The following XPR1 variants were observed in gnomAD, a reference collection of about 807,000 sequenced individuals.
XPR1 encodes the protein xenotropic and polytropic retrovirus receptor 1, also known as solute carrier family 53 member 1.
A neutral mutation model predicts 87.5 loss-of-function variants in XPR1; 28 were observed. That is an observed-to-expected ratio of 0.32 (90% CI 0.24 to 0.44). The LOEUF (loss-of-function observed/expected upper bound fraction) is 0.44. Ranked by LOEUF, XPR1 falls within the 20% of genes least tolerant of loss-of-function variation. XPR1 has a pLI of 1.00. For synonymous variants in XPR1, 300 were observed against 306.1 expected (o/e 0.98, Z 0.21); for missense variants, 559 against 862.3 (o/e 0.65, Z 4.41).
chr1:180,770,595 A>C (rs866536430), intron 2 of XPR1, among the ~76,000 whole-genome samples: 2 of 152,128 alleles, frequency 1.3e-5, no homozygotes, highest in Non-Finnish European at 2.9e-5. Flanking sequence ...ATTTTATCCA[A>C]CATTTTTAGA....
intron 11 of XPR1, among the ~76,000 whole-genome samples, chr1:180,850,427 C>T (rs189681393): frequency 9.6e-4 from 146 of 152,232 alleles, no homozygotes; most frequent in African/African-American, 3.3e-3. Context: ...TGTTATTTCT[C>T]ACATTTCTAG....
chr1:180,656,595 T>TATTATATATAATA (rs1338520966), intron 1 of XPR1, among the ~76,000 whole-genome samples: 4 of 74,840 alleles, frequency 5.3e-5, no homozygotes, highest in African/African-American at 9.3e-5. Flanking sequence ...ATAATATATA[T>TATTATATATAATA]TTTATATATG....
chr1:180,699,610 A>G (rs1468741446), intron 2 of XPR1, among the ~76,000 whole-genome samples: 2 of 104,684 alleles, frequency 1.9e-5, no homozygotes, highest in Admixed American at 1.0e-4. Flanking sequence ...AATCCAGTCT[A>G]TCATTGTTGG....
chr1:180,658,490 A>G (rs1218019779), intron 1 of XPR1, among the ~76,000 whole-genome samples: 1 of 151,870 alleles, frequency 6.6e-6, no homozygotes, highest in Non-Finnish European at 1.5e-5. Flanking sequence ...GAGGGTTTTT[A>G]TTATGAGAGG....
chr1:180,782,543 G>C (rs939360404), intron 2 of XPR1, among the ~76,000 whole-genome samples: 4 of 152,100 alleles, frequency 2.6e-5, no homozygotes, highest in Non-Finnish European at 5.9e-5. Flanking sequence ...GAGAAAGAGA[G>C]AGAACATACG....
chr1:180,682,498 G>T, intron 2 of XPR1, 87 bp downstream of exon 2: 1 of 936,740 alleles, frequency 1.1e-6, no homozygotes, highest in South Asian at 2.4e-5. Context: ...AAACTAATAT[G>T]ATAACCTGTC....
At chr1:180,683,947 G>A (rs1384828111) in intron 2 of XPR1, among the ~76,000 whole-genome samples, 5 of 152,150 alleles carry the variant, frequency 3.3e-5, no homozygotes, top group Admixed American at 6.5e-5. Flanking sequence ...CTTTTGCTGT[G>A]CAGAAGCTCT....
intron 11 of XPR1, among the ~76,000 whole-genome samples, chr1:180,860,390 T>C (rs929579178): frequency 4.6e-5 from 7 of 152,094 alleles, no homozygotes; most frequent in Non-Finnish European, 1.5e-5. Context: ...TTACATAAAG[T>C]CTTGTGTATG....
intron 2 of XPR1, among the ~76,000 whole-genome samples, chr1:180,761,777 A>G (rs1484203113): frequency 6.6e-6 from 1 of 152,144 alleles, no homozygotes; most frequent in East Asian, 1.9e-4. Context: ...CTGGGTATAT[A>G]CCCAAAGGAT....
At chr1:180,679,920 C>T (rs541353312) in intron 1 of XPR1, among the ~76,000 whole-genome samples, 2 of 151,894 alleles carry the variant, frequency 1.3e-5, no homozygotes, top group Non-Finnish European at 1.5e-5. Context: ...AGCTTCTGGA[C>T]AGCAAAGGAA....
intron 13 of XPR1, 144 bp from the exon 14 acceptor site, chr1:180,879,932 A>C: frequency 1.2e-6 from 1 of 839,904 alleles, no homozygotes; most frequent in Non-Finnish European, 1.9e-6. Context: ...TCCCCGCAAC[A>C]CCATCTTTCC....
Position 180,834,906 on chromosome 1 carries a change from A to G in XPR1, c.1167A>G (p.Val389=). The change falls in exon 10 of 15, where the codon GTA becomes GTG. Residue 389 remains valine, a synonymous_variant. Coordinates refer to ENST00000367590, the MANE Select transcript of XPR1 (RefSeq NM_004736.4). ...FRVFTAPFHK[V]GFADFWLADQ... Reference sequence around the variant, plus strand: ...TATTTACAGCCCCCTTCCATAAGGTAGGCTTTGCTGATTTCTGGCTGGCGG... The same window carrying G: ...TATTTACAGCCCCCTTCCATAAGGTGGGCTTTGCTGATTTCTGGCTGGCGG... 1 of 1,613,432 alleles carries G rather than the reference A, an allele frequency of 6.2e-7. No homozygotes were observed.
At chr1:180,786,047 A>G (rs1649127334) in intron 2 of XPR1, among the ~76,000 whole-genome samples, 1 of 151,836 alleles carries the variant, frequency 6.6e-6, no homozygotes. Context: ...TATAGCCCTT[A>G]TTGTACCTAG....
At chr1:180,853,444 A>G (rs996532172) in intron 11 of XPR1, among the ~76,000 whole-genome samples, 1 of 152,096 alleles carries the variant, frequency 6.6e-6, no homozygotes, top group African/African-American at 2.4e-5. Flanking sequence ...TTTCTTTGCT[A>G]AGGCATTTTT....
intron 11 of XPR1, among the ~76,000 whole-genome samples, chr1:180,857,567 A>G (rs896292678): frequency 6.6e-6 from 1 of 151,994 alleles, no homozygotes. Flanking sequence ...CTCAAGTAGT[A>G]CCTCCTTCAG....
At chr1:180,866,879 G>T in intron 12 of XPR1, among the ~76,000 whole-genome samples, 1 of 122,730 alleles carries the variant, frequency 8.1e-6, no homozygotes, top group Non-Finnish European at 1.7e-5. Context: ...AGTTACATAT[G>T]TATACATGTG....
At chr1:180,738,873 A>C (rs1571784639) in intron 2 of XPR1, among the ~76,000 whole-genome samples, 1 of 152,114 alleles carries the variant, frequency 6.6e-6, no homozygotes, top group African/African-American at 2.4e-5. Flanking sequence ...TTCACATAGC[A>C]CAAGTTTTTT....
At chr1:180,767,092 T>C (rs946935865) in intron 2 of XPR1, among the ~76,000 whole-genome samples, 4 of 152,194 alleles carry the variant, frequency 2.6e-5, no homozygotes, top group Non-Finnish European at 5.9e-5. Flanking sequence ...AAGTTCTTGT[T>C]AGAGCCTACA....
intron 2 of XPR1, among the ~76,000 whole-genome samples, chr1:180,738,910 T>G (rs1658827682): frequency 6.6e-6 from 1 of 151,542 alleles, no homozygotes; most frequent in Admixed American, 6.6e-5. Context: ...AATTTATCAG[T>G]TTTTTTTCAT....
Sources: allele counts gnomAD v4.1 joint callset (sites outside exome capture counted in the v4.1 genomes callset), GRCh38; gene constraint gnomAD v4.1.1; transcripts MANE v1.5; gene names NCBI Gene and HGNC (gene_info 2026-07-23, HGNC 2026-07-21).